CDH8: variants seen among roughly 807,000 people sequenced by gnomAD.
CDH8 encodes the protein cadherin-8.
In CDH8, 17 loss-of-function variants were observed where a neutral mutation model predicts 68.1. That is an observed-to-expected ratio of 0.25 (90% CI 0.17 to 0.37). CDH8 has a LOEUF of 0.37. Among genes scored for constraint, CDH8 ranks in the 10% least tolerant of loss-of-function variants. The pLI is 1.00. For missense variants in CDH8, 763 were observed against 999.3 expected, an observed-to-expected ratio of 0.76 and a Z score of 3.19; for synonymous variants, 372 against 365.1, an observed-to-expected ratio of 1.02 and a Z score of -0.21.
At chr16:61,785,211 A>C (rs1252994573) in intron 8 of CDH8, among the ~76,000 whole-genome samples, 8 of 113,128 alleles carry the variant, frequency 7.1e-5, no homozygotes, top group Admixed American at 9.5e-5. Context: ...AAAGAAAAAA[A>C]GAGAGAAGAA....
intron 2 of CDH8, among the ~76,000 whole-genome samples, chr16:61,993,537 A>G (rs930679714): frequency 6.6e-6 from 1 of 152,216 alleles, no homozygotes; most frequent in African/African-American, 2.4e-5. Context: ...GTTAATTGCA[A>G]TAGTAGTAGT....
intron 1 of CDH8, among the ~76,000 whole-genome samples, chr16:62,024,866 A>T (rs1477840814): frequency 6.6e-6 from 1 of 152,212 alleles, no homozygotes; most frequent in Non-Finnish European, 1.5e-5. Flanking sequence ...CTTTTTGAAC[A>T]AGACCGTTCC....
intron 3 of CDH8, among the ~76,000 whole-genome samples, chr16:61,876,340 C>T (rs892233375): frequency 1.3e-5 from 2 of 152,082 alleles, no homozygotes; most frequent in Non-Finnish European, 2.9e-5. Flanking sequence ...AATTTCCAGA[C>T]GGACAATTTT....
chr16:61,960,408 T>C (rs1054803182), intron 2 of CDH8, among the ~76,000 whole-genome samples: 1 of 115,576 alleles, frequency 8.7e-6, no homozygotes, highest in Non-Finnish European at 1.7e-5. Context: ...CATATATACA[T>C]ATATGTGTGT....
Position 61,896,096 on chromosome 16 carries a change from T to C in CDH8, c.547+5083A>G, listed in dbSNP as rs191112786. Reference sequence around the variant, plus strand: ...TACACAAAAACAATCCAAATATATATTTAAAATGTCTAGAACTTACTAAAG... The same window carrying C: ...TACACAAAAACAATCCAAATATATACTTAAAATGTCTAGAACTTACTAAAG... On this transcript the variant is annotated intron_variant, in intron 3 of 11. Coordinates refer to ENST00000577390, the MANE Select transcript of CDH8 (RefSeq NM_001796.5). Among the ~76,000 whole-genome samples, 4 of 152,284 alleles carry C rather than the reference T, an allele frequency of 2.6e-5. No individual in the cohort carries two copies. In the East Asian group the frequency reaches 7.7e-4, roughly 29 times the overall value.
At chr16:61,999,854 T>C (rs1176788390) in intron 2 of CDH8, among the ~76,000 whole-genome samples, 1 of 152,174 alleles carries the variant, frequency 6.6e-6, no homozygotes, top group Non-Finnish European at 1.5e-5. Context: ...GTTTGTTACA[T>C]AGGTATACAT....
chr16:61,999,003 C>T lies in CDH8; in HGVS notation c.252+22149G>A, dbSNP rs146255320. Reference sequence around the variant, plus strand: ...CAAAGCAGATAAGATCAGTTAAGTACAAGAGTCTCATTAGCAAACATAACT... The same window carrying T: ...CAAAGCAGATAAGATCAGTTAAGTATAAGAGTCTCATTAGCAAACATAACT... On this transcript the variant is annotated intron_variant, in intron 2 of 11. Coordinates refer to ENST00000577390, the MANE Select transcript of CDH8 (RefSeq NM_001796.5). Among the ~76,000 whole-genome samples the T allele has an allele frequency of 2.7e-3, 414 of 152,180 alleles. 1 individual carries two copies. The highest frequency in any genetic ancestry group is 4.5e-3 in the Non-Finnish European group (306 of 68,002).
At chr16:61,772,143 T>C (rs1195156426) in intron 8 of CDH8, among the ~76,000 whole-genome samples, 1 of 152,000 alleles carries the variant, frequency 6.6e-6, no homozygotes, top group African/African-American at 2.4e-5. Context: ...ATGCAAATGT[T>C]AAATTCCTAA....
At position 61,650,521 on chromosome 16, in the gene CDH8, T is replaced by A. The variant is rs1040925148; in HGVS notation, c.*3087A>T. On this transcript the variant is annotated 3_prime_UTR_variant, in exon 12 of 12. Transcript: ENST00000577390. Reference sequence around the variant, plus strand: ...AATATAGTCATTTCAATAAAGTTTTTAAAATGTGTTATTTAACAAATTGAG... The same window carrying A: ...AATATAGTCATTTCAATAAAGTTTTAAAAATGTGTTATTTAACAAATTGAG... 10 of 152,138 alleles carry A rather than the reference T, an allele frequency of 6.6e-5. No individual in the cohort carries two copies. The highest frequency in any genetic ancestry group is 1.5e-4 in the Non-Finnish European group (10 of 68,028). The allele number at this position is 152,138 out of a possible 1,614,324, so 9.4% of individuals were successfully genotyped here.
At chr16:61,724,760 T>A (rs1489989348) in intron 9 of CDH8, among the ~76,000 whole-genome samples, 2 of 150,954 alleles carry the variant, frequency 1.3e-5, no homozygotes, top group Admixed American at 1.3e-4. Flanking sequence ...AATATTCTAG[T>A]TCCATAGTGA....
At chr16:61,700,369 C>T (rs551151177) in intron 10 of CDH8, among the ~76,000 whole-genome samples, 23 of 151,790 alleles carry the variant, frequency 1.5e-4, no homozygotes, top group African/African-American at 5.6e-4. Flanking sequence ...CAACTTCTGC[C>T]TCCTGGGTTC....
chr16:61,891,052 T>A lies in CDH8; in HGVS notation c.547+10127A>T, dbSNP rs1963766982. On this transcript the variant is annotated intron_variant, in intron 3 of 11. Transcript: ENST00000577390. Reference sequence around the variant, plus strand: ...AAACTTTCCTATGCTATTCTACATTTGTTAGCATAGCTTTATATATATATT... The same window carrying A: ...AAACTTTCCTATGCTATTCTACATTAGTTAGCATAGCTTTATATATATATT... Among the ~76,000 whole-genome samples the A allele has an allele frequency of 1.3e-5, 2 of 151,750 alleles. 1 individual carries two copies. The highest frequency in any genetic ancestry group is 2.9e-5 in the Non-Finnish European group (2 of 67,812).
chr16:61,720,037 T>C (rs1959205522), intron 9 of CDH8, among the ~76,000 whole-genome samples: 1 of 150,304 alleles, frequency 6.7e-6, no homozygotes, highest in Non-Finnish European at 1.5e-5. Flanking sequence ...AACCACATCA[T>C]ATATTGGCAT....
intron 3 of CDH8, among the ~76,000 whole-genome samples, chr16:61,884,374 A>ATT (rs60987099): frequency 6.4e-5 from 9 of 140,614 alleles, no homozygotes; most frequent in Middle Eastern, 3.7e-3. Flanking sequence ...CTTTCTTATG[A>ATT]TTTTTTTTTT....
intron 10 of CDH8, among the ~76,000 whole-genome samples, chr16:61,670,810 A>G (rs1806072883): frequency 6.6e-6 from 1 of 151,960 alleles, no homozygotes; most frequent in Admixed American, 6.6e-5. Context: ...GTTGGTGACT[A>G]AAGGTGTGGA....
chr16:61,884,246 C>A (rs984285750), intron 3 of CDH8, among the ~76,000 whole-genome samples: 5 of 152,168 alleles, frequency 3.3e-5, no homozygotes. Flanking sequence ...ATCCCTGAGA[C>A]AGCAAGACCA....
At chr16:61,964,478 A>T (rs927162955) in intron 2 of CDH8, among the ~76,000 whole-genome samples, 1 of 151,958 alleles carries the variant, frequency 6.6e-6, no homozygotes, top group Non-Finnish European at 1.5e-5. Flanking sequence ...AGGAGAGAAA[A>T]CCCAGGCATA....
At position 61,879,836 on chromosome 16, in the gene CDH8, G is replaced by C. The variant is rs534038671; in HGVS notation, c.547+21343C>G. Reference sequence around the variant, plus strand: ...CCTACAGAGACCTTATGGGAGAGTAGAAATAGCAATACAGTAATTAATCAA... The same window carrying C: ...CCTACAGAGACCTTATGGGAGAGTACAAATAGCAATACAGTAATTAATCAA... On this transcript the variant is annotated intron_variant, in intron 3 of 11. Coordinates refer to ENST00000577390, the MANE Select transcript of CDH8 (RefSeq NM_001796.5). Among the ~76,000 whole-genome samples, 93 of 152,196 alleles carry C rather than the reference G, an allele frequency of 6.1e-4. 2 individuals carry two copies. In the South Asian group the frequency reaches 0.019, roughly 31 times the overall value.
intron 3 of CDH8, among the ~76,000 whole-genome samples, chr16:61,861,296 C>A (rs1280705820): frequency 6.6e-6 from 1 of 152,164 alleles, no homozygotes; most frequent in Non-Finnish European, 1.5e-5. Flanking sequence ...ACACTAATTT[C>A]TATTGTGATT....
Sources: gnomAD v4.1 joint callset for allele counts (sites outside exome capture counted in the v4.1 genomes callset) on GRCh38, gnomAD v4.1.1 for gene constraint, MANE v1.5 for transcripts, NCBI Gene and HGNC (gene_info 2026-07-23, HGNC 2026-07-21) for gene names.